The following ULK4 variants were observed in gnomAD, a reference collection of about 807,000 sequenced individuals.
The protein encoded by ULK4 is unc-51 like kinase 4.
A neutral mutation model predicts 160.6 loss-of-function variants in ULK4; 133 were observed. The ratio of observed to expected loss-of-function variants is 0.83; its 90% CI spans 0.72 to 0.96. The LOEUF (loss-of-function observed/expected upper bound fraction) is 0.96. ULK4 is among the 40% of genes least tolerant of loss of function. The pLI, the probability that ULK4 is intolerant of heterozygous loss-of-function variation, is 0.00. For missense variants in ULK4, 1,580 were observed against 1,499.5 expected (o/e 1.05, Z -0.89); for synonymous variants, 534 against 539.8 (o/e 0.99, Z 0.15).
At chr3:41,872,279 G>A (rs1697125808) in intron 17 of ULK4, among the ~76,000 whole-genome samples, 1 of 152,142 alleles carries the variant, frequency 6.6e-6, no homozygotes, top group Non-Finnish European at 1.5e-5. Flanking sequence ...TCTGCTCAAT[G>A]CTTTAACCTC....
At chr3:41,787,726 G>A (rs1236973213) in intron 21 of ULK4, among the ~76,000 whole-genome samples, 2 of 152,164 alleles carry the variant, frequency 1.3e-5, no homozygotes, top group African/African-American at 4.8e-5. Flanking sequence ...TCTATGTTAT[G>A]TGTTATCTAC....
At chr3:41,823,713 C>A (rs952202103) in intron 18 of ULK4, among the ~76,000 whole-genome samples, 3 of 152,182 alleles carry the variant, frequency 2.0e-5, no homozygotes, top group African/African-American at 7.2e-5. Context: ...CTCAAACTGA[C>A]AATTCCACAA....
intron 35 of ULK4, among the ~76,000 whole-genome samples, chr3:41,273,360 G>T (rs2079170852): frequency 1.3e-5 from 2 of 152,252 alleles, no homozygotes; most frequent in South Asian, 4.1e-4. Context: ...AGTTTGCCTG[G>T]TGGGAATGGG....
chr3:41,612,120 G>T (rs1176892355), intron 31 of ULK4, among the ~76,000 whole-genome samples: 1 of 152,200 alleles, frequency 6.6e-6, no homozygotes, highest in African/African-American at 2.4e-5. Context: ...ATCCAGAGAT[G>T]ATTTAAAGTA....
At chr3:41,487,787 GT>G (rs1451113599) in intron 32 of ULK4, among the ~76,000 whole-genome samples, 1 of 152,132 alleles carries the variant, frequency 6.6e-6, no homozygotes, top group Non-Finnish European at 1.5e-5. Context: ...CAATAAAAAA[GT>G]TTCTAATTGC....
chr3:41,928,674 GA>G (rs2148819875), intron 5 of ULK4, among the ~76,000 whole-genome samples: 1 of 151,710 alleles, frequency 6.6e-6, no homozygotes, highest in South Asian at 2.1e-4. Context: ...TGATCCCACA[GA>G]AATACAAAGG....
intron 27 of ULK4, among the ~76,000 whole-genome samples, chr3:41,702,844 GT>G (rs1169817301): frequency 1.0e-4 from 14 of 139,242 alleles, no homozygotes; most frequent in African/African-American, 3.0e-4. Context: ...TTTTTTGTTT[GT>G]TTTTTTTTGG....
At chr3:41,937,939 T>A in intron 3 of ULK4, 159 bp downstream of exon 3, 1 of 448,584 alleles carries the variant, frequency 2.2e-6, no homozygotes. Context: ...ACATAATTCT[T>A]CTTTTTCCCA....
intron 5 of ULK4, among the ~76,000 whole-genome samples, chr3:41,930,491 T>A (rs941381421): frequency 2.0e-5 from 3 of 151,882 alleles, no homozygotes; most frequent in Non-Finnish European, 4.4e-5. Context: ...TGACAAATGG[T>A]ATCTAATTAA....
chr3:41,533,400 A>C (rs988351949), intron 32 of ULK4, among the ~76,000 whole-genome samples: 2 of 152,146 alleles, frequency 1.3e-5, no homozygotes, highest in Non-Finnish European at 1.5e-5. Context: ...CCTCAATCTC[A>C]AATTATTTAC....
chr3:41,663,224 A>T (rs1289596557), intron 30 of ULK4, among the ~76,000 whole-genome samples: 2 of 152,124 alleles, frequency 1.3e-5, no homozygotes, highest in Non-Finnish European at 1.5e-5. Context: ...CCATCTCAAA[A>T]AAAAAAAGAA....
chr3:41,658,747 A>ACACACTCT (rs754486058), intron 30 of ULK4, among the ~76,000 whole-genome samples: 13 of 150,908 alleles, frequency 8.6e-5, no homozygotes, highest in Non-Finnish European at 1.9e-4. Context: ...ACACACACAC[A>ACACACTCT]CACACACACA....
At chr3:41,676,938 G>C (rs1205846729) in intron 29 of ULK4, among the ~76,000 whole-genome samples, 5 of 123,356 alleles carry the variant, frequency 4.1e-5, no homozygotes, top group Admixed American at 3.8e-4. Context: ...TTGAGACAGA[G>C]TCTCAATCTA....
intron 32 of ULK4, among the ~76,000 whole-genome samples, chr3:41,529,091 C>T (rs1277901674): frequency 6.6e-6 from 1 of 152,184 alleles, no homozygotes; most frequent in African/African-American, 2.4e-5. Flanking sequence ...GAAAGAAGAG[C>T]CAACTTGGCA....
At chr3:41,837,552 C>T (rs1053426106) in intron 17 of ULK4, among the ~76,000 whole-genome samples, 2 of 150,392 alleles carry the variant, frequency 1.3e-5, no homozygotes, top group African/African-American at 5.0e-5. Context: ...CATGTTGCTG[C>T]ATATATCAAT....
chr3:41,518,880 T>C (rs1490481655), intron 32 of ULK4, among the ~76,000 whole-genome samples: 1 of 152,246 alleles, frequency 6.6e-6, no homozygotes, highest in Non-Finnish European at 1.5e-5. Flanking sequence ...ATGAAAGCAC[T>C]TACAGAGAAA....
chr3:41,554,769 T>C (rs1011518143), intron 32 of ULK4, among the ~76,000 whole-genome samples: 1 of 152,172 alleles, frequency 6.6e-6, no homozygotes, highest in South Asian at 2.1e-4. Context: ...CCTGATTTGA[T>C]CATTACACAT....
intron 31 of ULK4, among the ~76,000 whole-genome samples, chr3:41,572,585 C>T (rs375771153): frequency 2.1e-5 from 3 of 144,718 alleles, no homozygotes; most frequent in African/African-American, 7.6e-5. Flanking sequence ...ATGGTGAAAC[C>T]CTGTCTCTAC....
At chr3:41,478,226 A>G (rs1321739686) in intron 32 of ULK4, among the ~76,000 whole-genome samples, 1 of 152,184 alleles carries the variant, frequency 6.6e-6, no homozygotes, top group Non-Finnish European at 1.5e-5. Context: ...CTAATTCACA[A>G]TTCTGGGCTT....
Sources: gnomAD v4.1 joint callset for allele counts (sites outside exome capture counted in the v4.1 genomes callset) on GRCh38, gnomAD v4.1.1 for gene constraint, MANE v1.5 for transcripts, NCBI Gene and HGNC (gene_info 2026-07-23, HGNC 2026-07-21) for gene names.